The following SERINC2 variants were observed in gnomAD, a reference collection of about 807,000 sequenced individuals.
SERINC2 encodes the protein serine incorporator 2.
In SERINC2, 56 loss-of-function variants were observed where a neutral mutation model predicts 54.2. That is an observed-to-expected ratio of 1.03 (90% CI 0.83 to 1.29). SERINC2 has a LOEUF of 1.29. Ranked by LOEUF, SERINC2 falls within the 50% of genes most tolerant of loss-of-function variation. The probability of loss-of-function intolerance (pLI) is 0.00; values close to 1 mark genes in which losing one functional copy is unlikely to be tolerated. For missense variants in SERINC2, 614 were observed against 607.4 expected (o/e 1.01, Z -0.12); for synonymous variants, 272 against 253.1 (o/e 1.07, Z -0.71).
At chr1:31,409,800 G>A (rs940456127), upstream of SERINC2, 9 of 1,551,370 alleles carry the variant, frequency 5.8e-6, no homozygotes, top group African/African-American at 1.1e-4. Flanking sequence ...AAGCCCAAGG[G>A]ATAGGAGGGC....
chr1:31,414,386 A>T, intron 1 of SERINC2: 1 of 1,155,166 alleles, frequency 8.7e-7, no homozygotes, highest in Non-Finnish European at 1.1e-6. Flanking sequence ...GCGGCTGCTG[A>T]ATCTCGGGAC....
At chr1:31,426,585 G>A (rs1641047186) in intron 5 of SERINC2, 69 bp from the exon 6 acceptor site, 4 of 1,351,506 alleles carry the variant, frequency 3.0e-6, no homozygotes, top group Middle Eastern at 1.9e-4. Context: ...AGGGTCCCTC[G>A]AGGGAGTAGG....
At chr1:31,432,354 C>G (rs1301219673) in intron 8 of SERINC2, among the ~76,000 whole-genome samples, 2 of 151,688 alleles carry the variant, frequency 1.3e-5, no homozygotes, top group African/African-American at 2.4e-5. Flanking sequence ...TTTTATGTCT[C>G]AAACTATCAA....
In SERINC2 at chr1:31,423,972, C is replaced by G. The variant is rs77309955; in HGVS notation, c.201+118C>G. 2,992 of 920,408 alleles carry G rather than the reference C, an allele frequency of 3.3e-3. 46 individuals carry two copies. Among genetic ancestry groups the G allele is most frequent in the African/African-American group, 0.03 (1,825 of 60,776 alleles). 57.0% of individuals were successfully genotyped at this position (920,408 alleles called of 1,614,324 possible). Reference sequence around the variant, plus strand: ...GAAGAGGAGGCAGGGTGTTTGGGTGCACTGATGATCTGAGGTTGGAAATGA... The same window carrying G: ...GAAGAGGAGGCAGGGTGTTTGGGTGGACTGATGATCTGAGGTTGGAAATGA... On this transcript the variant is annotated intron_variant, in intron 2 of 9. Transcript: ENST00000373709.
rs782550048 is a variant in SERINC2, at chr1:31,425,393, C to T, written c.456C>T (p.Asp152=). The T allele has an allele frequency of 2.5e-5, 40 of 1,610,620 alleles. No individual in the cohort carries two copies. Among genetic ancestry groups the T allele is most frequent in the Middle Eastern group, 1.6e-4 (1 of 6,080 alleles). The change falls in exon 4 of 10, where the codon GAC becomes GAT. Residue 152 remains aspartate (D), a synonymous_variant. Coordinates refer to ENST00000373709, the MANE Select transcript of SERINC2 (RefSeq NM_178865.5). ...GLTVGAFYIP[D]GSFTNIWFYF... is the part of the protein sequence containing the mutation. ...CCGTGGGTGCCTTCTACATTCCTGACGGCTCCTTCACCAACAGTAGGCGGA... is the reference window on the plus strand; with the variant it reads ...CCGTGGGTGCCTTCTACATTCCTGATGGCTCCTTCACCAACAGTAGGCGGA...
rs3211019 is a variant in SERINC2 at position 31,424,735 on chromosome 1, A to C, written c.254A>C (p.His85Pro). The C allele has an allele frequency of 8.7e-6, 14 of 1,610,328 alleles. No individual in the cohort carries two copies. The highest frequency in any genetic ancestry group is 1.0e-5 in the Non-Finnish European group (12 of 1,178,590). Residue 85 changes from histidine (H) to proline (P), a missense_variant, in exon 3 of 10, where the codon CAC becomes CCC. Transcript: ENST00000373709. ...GGGATCCCCACCGTCCTGCAGGGCC[A>C]CATCGACTGTGGCTCCCTGCTTGGC... ...GAGIPTVLQG[H>P]IDCGSLLGYR...
chr1:31,422,317 A>G (rs563624550), intron 1 of SERINC2, among the ~76,000 whole-genome samples: 1 of 151,978 alleles, frequency 6.6e-6, no homozygotes, highest in African/African-American at 2.4e-5. Context: ...AAAAACAAAA[A>G]AAGAAGAAAA....
chr1:31,413,810 T>G lies in SERINC2; in HGVS notation c.39+506T>G. 5.8e-6 allele frequency: 8 copies of G among 1,371,290 alleles called. No individual in the cohort carries two copies. Among genetic ancestry groups the G allele is most frequent in the East Asian group, 3.2e-5 (1 of 31,342 alleles). 84.9% of individuals were successfully genotyped at this position (1,371,290 alleles called of 1,614,324 possible). A position where few individuals can be genotyped will look rare whatever the true frequency, so the allele number is the denominator to read the frequency against. The stretch of plus-strand genomic sequence containing the variant: ...CTGTCGCTCGGGCTCCGCCTGTCCG[T>G]TCGTATTTGTCTGGTTCCTGTCTGT... On this transcript the variant is annotated intron_variant, in intron 1 of 9. Transcript: ENST00000373709. The surrounding 1 kb of genome is among the most constrained non-coding windows in gnomAD (Gnocchi z 5.0).
chr1:31,430,159 A>T (rs1641157599), intron 8 of SERINC2, among the ~76,000 whole-genome samples: 1 of 152,120 alleles, frequency 6.6e-6, no homozygotes, highest in African/African-American at 2.4e-5. Flanking sequence ...AATAGAGATA[A>T]AAATAGTACC....
intron 1 of SERINC2, 144 bp from the exon 2 acceptor site, chr1:31,423,549 C>A: frequency 2.4e-6 from 2 of 821,058 alleles, no homozygotes; most frequent in Admixed American, 2.7e-5. Flanking sequence ...CCCTCTCGGA[C>A]CTGAAAGTTC....
At chr1:31,419,320 T>TC (rs1163915828) in intron 1 of SERINC2, among the ~76,000 whole-genome samples, 6 of 152,208 alleles carry the variant, frequency 3.9e-5, no homozygotes, top group Non-Finnish European at 5.9e-5. Flanking sequence ...TTCTTGAGAC[T>TC]CCAATAGGCT....
In SERINC2 at chr1:31,425,396, C is replaced by T; in HGVS notation, c.459C>T (p.Gly153=). ...TGGGTGCCTTCTACATTCCTGACGG[C>T]TCCTTCACCAACAGTAGGCGGACTT... ...LTVGAFYIPD[G]SFTNIWFYFG... is the part of the protein sequence containing the mutation. The change falls in exon 4 of 10, where the codon GGC becomes GGT. Residue 153 remains glycine (G), a synonymous_variant. Coordinates refer to ENST00000373709, the MANE Select transcript of SERINC2 (RefSeq NM_178865.5). The T allele has an allele frequency of 1.2e-6, 2 of 1,610,400 alleles. No homozygotes were observed. Among genetic ancestry groups the T allele is most frequent in the Non-Finnish European group, 1.7e-6 (2 of 1,176,486 alleles).
chr1:31,432,065 A>G (rs797035779), intron 8 of SERINC2, among the ~76,000 whole-genome samples: 1 of 126,006 alleles, frequency 7.9e-6, no homozygotes, highest in African/African-American at 3.4e-5. Flanking sequence ...GACAGGGTGG[A>G]CAGGGTGGAC....
At chr1:31,413,058 G>C (rs1640679820), upstream of SERINC2, 6 of 770,004 alleles carry the variant, frequency 7.8e-6, no homozygotes, top group Non-Finnish European at 6.4e-6. The surrounding 1 kb of genome is among the most constrained non-coding windows in gnomAD (Gnocchi z 5.0). Context: ...ATCCCCGACC[G>C]GCCCCTTCCC....
upstream of SERINC2, among the ~76,000 whole-genome samples, chr1:31,412,618 A>C (rs1254651713): frequency 6.6e-6 from 1 of 152,142 alleles, no homozygotes; most frequent in Non-Finnish European, 1.5e-5. Context: ...GCAGTGAGCT[A>C]TGTTTGCACC....
At chr1:31,432,875 C>T (rs558297223) in intron 8 of SERINC2, 92 bp from the exon 9 acceptor site, 11 of 956,980 alleles carry the variant, frequency 1.1e-5, no homozygotes, top group East Asian at 2.6e-5. Context: ...GTAACCGGGT[C>T]GCTGGCCTCT....
chr1:31,432,912 T>G, intron 8 of SERINC2, 55 bp from the exon 9 acceptor site: 1 of 1,389,136 alleles, frequency 7.2e-7, no homozygotes, highest in Non-Finnish European at 9.9e-7. Context: ...TTGTGTCCAG[T>G]GTTATGAGCA....
rs1553133234 is a variant in SERINC2, at chr1:31,424,681, A to C, written c.202-2A>C. The C allele has an allele frequency of 6.3e-7, 1 of 1,592,002 alleles. No individual in the cohort carries two copies. Among genetic ancestry groups the C allele is most frequent in the African/African-American group, 1.3e-5 (1 of 74,672 alleles). On this transcript the variant is annotated splice_acceptor_variant, in intron 2 of 9. Coordinates refer to ENST00000373709, the MANE Select transcript of SERINC2 (RefSeq NM_178865.5). LOFTEE classifies it high-confidence loss of function. ...TTGACGCTGCTCTGTCTGTCTCCACAGCTGCCCTGGGTGTGTGAGGAGGGG... is the reference window on the plus strand; with the variant it reads ...TTGACGCTGCTCTGTCTGTCTCCACCGCTGCCCTGGGTGTGTGAGGAGGGG...
chr1:31,411,339 C>T (rs2148507961), upstream of SERINC2, among the ~76,000 whole-genome samples: 1 of 152,314 alleles, frequency 6.6e-6, no homozygotes, highest in African/African-American at 2.4e-5. Flanking sequence ...GCAATAGTAA[C>T]AACAACCACA....
Sources: gnomAD v4.1 joint callset for allele counts (sites outside exome capture counted in the v4.1 genomes callset) on GRCh38, gnomAD v4.1.1 for gene constraint, Gnocchi (gnomAD v3.1) non-coding constraint, MANE v1.5 for transcripts, NCBI Gene and HGNC (gene_info 2026-07-23, HGNC 2026-07-21) for gene names.